Variants in ZNF362 observed in about 807,000 individuals in gnomAD.
The protein encoded by ZNF362 is zinc finger protein 362, also known as rotund homolog.
A neutral mutation model predicts 42.9 loss-of-function variants in ZNF362; 11 were observed. That is an observed-to-expected ratio of 0.26 (90% CI 0.16 to 0.42). The LOEUF (loss-of-function observed/expected upper bound fraction) is 0.42, where lower values mean the gene tolerates loss of function less well. ZNF362 is among the 20% of genes least tolerant of loss of function. ZNF362 has a pLI of 1.00. For missense variants in ZNF362, 362 were observed against 576.2 expected (o/e 0.63, Z 3.81); for synonymous variants, 255 against 257.3 (o/e 0.99, Z 0.09).
chr1:33,213,642 C>T, the ZNF362 span, among the ~76,000 whole-genome samples: 12 of 152,090 alleles, frequency 7.9e-5, no homozygotes, highest in African/African-American at 1.9e-4. Flanking sequence ...GTCAAGAGAT[C>T]GAGACCATCC....
At chr1:33,288,786 G>T in intron 6 of ZNF362, among the ~76,000 whole-genome samples, 1 of 135,972 alleles carries the variant, frequency 7.4e-6, no homozygotes, top group South Asian at 2.5e-4. Flanking sequence ...CTAGAGTCAG[G>T]GGTGGACTTC....
the ZNF362 span, among the ~76,000 whole-genome samples, chr1:33,178,735 G>C: frequency 1.3e-5 from 2 of 152,244 alleles, no homozygotes; most frequent in African/African-American, 4.8e-5. Flanking sequence ...TGGAACCCAA[G>C]TATGTCCAAC....
the ZNF362 span, among the ~76,000 whole-genome samples, chr1:33,155,084 CTCCAT>C: frequency 1.4e-5 from 2 of 141,982 alleles, no homozygotes; most frequent in African/African-American, 5.1e-5. Context: ...CAGAGCGAGA[CTCCAT>C]CTCAAAAGGT....
At chr1:33,225,685 A>G in the ZNF362 span, among the ~76,000 whole-genome samples, 3 of 152,162 alleles carry the variant, frequency 2.0e-5, no homozygotes, top group Non-Finnish European at 4.4e-5. Context: ...TAGGAAACCC[A>G]ACTATAAGTG....
the ZNF362 span, among the ~76,000 whole-genome samples, chr1:33,221,394 A>G: frequency 6.6e-6 from 1 of 152,144 alleles, no homozygotes; most frequent in Non-Finnish European, 1.5e-5. Flanking sequence ...CCCTGTCCCA[A>G]ACTGGCTTTT....
At chr1:33,199,274 C>A in the ZNF362 span, among the ~76,000 whole-genome samples, 1 of 152,026 alleles carries the variant, frequency 6.6e-6, no homozygotes, top group East Asian at 1.9e-4. Context: ...TCTTAAAAAC[C>A]GCTAAAGGAA....
the ZNF362 span, among the ~76,000 whole-genome samples, chr1:33,133,074 C>A: frequency 0.023 from 3,483 of 152,312 alleles, 111 homozygotes; most frequent in African/African-American, 0.079. Context: ...CCATCAGGCC[C>A]AGTGGGTCAG....
the ZNF362 span, among the ~76,000 whole-genome samples, chr1:33,182,629 TG>T: frequency 6.6e-6 from 1 of 151,808 alleles, no homozygotes; most frequent in Non-Finnish European, 1.5e-5. Flanking sequence ...TGTGTGTGTG[TG>T]TGTGTAAGGC....
the ZNF362 span, among the ~76,000 whole-genome samples, chr1:33,224,938 A>G: frequency 3.3e-5 from 5 of 152,356 alleles, no homozygotes; most frequent in African/African-American, 9.6e-5. Context: ...CAAAGAATCT[A>G]CAATAGGACT....
chr1:33,205,200 A>ATGGC, the ZNF362 span, among the ~76,000 whole-genome samples: 1 of 152,146 alleles, frequency 6.6e-6, no homozygotes, highest in Non-Finnish European at 1.5e-5. Flanking sequence ...AATGCAGAGA[A>ATGGC]TGGCTGGGCA....
At chr1:33,235,489 T>G in the ZNF362 span, among the ~76,000 whole-genome samples, 1 of 152,176 alleles carries the variant, frequency 6.6e-6, no homozygotes. Flanking sequence ...GGACGTGGCC[T>G]CCTCTCTCCA....
At chr1:33,263,350 G>T (rs958310792) in intron 1 of ZNF362, among the ~76,000 whole-genome samples, 3 of 152,012 alleles carry the variant, frequency 2.0e-5, no homozygotes, top group Non-Finnish European at 2.9e-5. Context: ...GAAAACTGAT[G>T]TATATAGGTC....
the ZNF362 span, among the ~76,000 whole-genome samples, chr1:33,189,916 A>G: frequency 6.6e-6 from 1 of 151,716 alleles, no homozygotes; most frequent in Non-Finnish European, 1.5e-5. Context: ...ACTCACTGTA[A>G]AATGGGCTTT....
the ZNF362 span, chr1:33,181,894 G>A: frequency 5.6e-4 from 97 of 173,834 alleles, 1 homozygote; most frequent in African/African-American, 2.2e-3. The surrounding 1 kb of genome is among the most constrained non-coding windows in gnomAD (Gnocchi z 6.5). Flanking sequence ...CAGCCAGGCC[G>A]AGCCGTACAT....
At chr1:33,184,642 G>GT in the ZNF362 span, among the ~76,000 whole-genome samples, 1 of 152,190 alleles carries the variant, frequency 6.6e-6, no homozygotes. Flanking sequence ...AGGATCCTGG[G>GT]TTCCTGAATG....
rs138973703 is a variant in ZNF362 at position 33,285,227 on chromosome 1, A to G, written c.908+3416A>G. Reference sequence around the variant, plus strand: ...TCAGGAGTTCGAGACCAACCTGGCCAACATGGTCAAACTCCGTCTCTACTA... The same window carrying G: ...TCAGGAGTTCGAGACCAACCTGGCCGACATGGTCAAACTCCGTCTCTACTA... On this transcript the variant is annotated intron_variant, in intron 6 of 8. Coordinates refer to ENST00000539719, the MANE Select transcript of ZNF362 (RefSeq NM_152493.3). Among the ~76,000 whole-genome samples the G allele has an allele frequency of 2.6e-3, 392 of 152,274 alleles. 2 individuals are homozygous for G. The highest frequency in any genetic ancestry group is 9.1e-3 in the African/African-American group (377 of 41,558).
intron 4 of ZNF362, 107 bp downstream of exon 4, chr1:33,276,701 C>T (rs994430690): frequency 8.9e-6 from 11 of 1,235,960 alleles, no homozygotes; most frequent in African/African-American, 1.6e-5. Context: ...AAGAGCAGGG[C>T]GGGCAGGGCC....
chr1:33,274,528 G>A (rs895951951), intron 2 of ZNF362, among the ~76,000 whole-genome samples: 1 of 152,330 alleles, frequency 6.6e-6, no homozygotes, highest in African/African-American at 2.4e-5. Flanking sequence ...TTGGTGGGCA[G>A]AGGGAAGAGC....
At chr1:33,232,417 C>T in the ZNF362 span, among the ~76,000 whole-genome samples, 1 of 152,110 alleles carries the variant, frequency 6.6e-6, no homozygotes, top group Admixed American at 6.5e-5. Context: ...CGCCACCATG[C>T]CAGGCTAATT....
Sources: gnomAD v4.1 joint callset for allele counts (sites outside exome capture counted in the v4.1 genomes callset) on GRCh38, gnomAD v4.1.1 for gene constraint, Gnocchi (gnomAD v3.1) non-coding constraint, MANE v1.5 for transcripts, NCBI Gene and HGNC (gene_info 2026-07-23, HGNC 2026-07-21) for gene names.